The following ZNF738 variants were observed in gnomAD, a reference collection of about 807,000 sequenced individuals.
ZNF738 encodes protein ZNF738.
In ZNF738, 10 loss-of-function variants were observed where a neutral mutation model predicts 9.2. That is an observed-to-expected ratio of 1.09 (90% CI 0.67 to 1.85). ZNF738 has a LOEUF of 1.85. Among genes scored for constraint, ZNF738 ranks in the 40% most tolerant of loss-of-function variants. The pLI, the probability that ZNF738 is intolerant of heterozygous loss-of-function variation, is 0.00. For missense variants in ZNF738, 346 were observed against 283.6 expected, an observed-to-expected ratio of 1.22 and a Z score of -1.58; for synonymous variants, 113 against 94.5, an observed-to-expected ratio of 1.20 and a Z score of -1.14.
In ZNF738 at chr19:21,385,926, C is replaced by A. The variant is rs1402420850; in HGVS notation, c.*2252C>A. Among the ~76,000 whole-genome samples, 1 of 151,668 alleles carries A rather than the reference C, an allele frequency of 6.6e-6. No homozygotes were observed. Among genetic ancestry groups the A allele is most frequent in the East Asian group, 2.0e-4 (1 of 5,124 alleles). ...AACAGAATTCATAGCAGAGAGAAATCCTACAAATATGAAGAATGTCACAAA... is the reference window on the plus strand; with the variant it reads ...AACAGAATTCATAGCAGAGAGAAATACTACAAATATGAAGAATGTCACAAA... On this transcript the variant is annotated 3_prime_UTR_variant, in exon 5 of 5. Transcript: ENST00000683779.
chr19:21,384,109 A>G lies in ZNF738; in HGVS notation c.*435A>G. ...TGTGAAGAATGTGGCAAAGCTTTCT[A>G]CCGATTATCTTATCTTACTACACAT... On this transcript the variant is annotated 3_prime_UTR_variant, in exon 5 of 5. Transcript: ENST00000683779. 1.3e-6 allele frequency: 2 copies of G among 1,527,718 alleles called. No homozygotes were observed. Among genetic ancestry groups the G allele is most frequent in the Non-Finnish European group, 1.8e-6 (2 of 1,106,984 alleles). 94.6% of individuals were successfully genotyped at this position (1,527,718 alleles called of 1,614,324 possible).
In ZNF738 at chr19:21,383,714, CAT is replaced by C; in HGVS notation, c.*42_*43del. ...TAATGTATTCGCAACCCTTACTAGA[CAT>C]AAGATAATTCATACTGAAGAGAAAC... On this transcript the variant is annotated 3_prime_UTR_variant, in exon 5 of 5. Coordinates refer to ENST00000683779, the MANE Select transcript of ZNF738 (RefSeq NM_001355237.2). The C allele has an allele frequency of 9.7e-7, 1 of 1,035,806 alleles. No individual in the cohort carries two copies. The highest frequency in any genetic ancestry group is 1.5e-6 in the Non-Finnish European group (1 of 666,402). The allele number at this position is 1,035,806 out of a possible 1,614,324, so 64.2% of individuals were successfully genotyped here.
In ZNF738 at chr19:21,359,022, C is replaced by T. The variant is rs956333088; in HGVS notation, c.-119C>T. On this transcript the variant is annotated 5_prime_UTR_variant, in exon 1 of 5. Coordinates refer to ENST00000683779, the MANE Select transcript of ZNF738 (RefSeq NM_001355237.2). ...TTTGTCTTTGGCTGCCGCTGGAACT[C>T]CGGGTCTCGTCTTCACTGCTCTGTG... The T allele has an allele frequency of 3.9e-6, 3 of 778,774 alleles. No homozygotes were observed. The highest frequency in any genetic ancestry group is 3.5e-5 in the Admixed American group (2 of 57,682). 48.2% of individuals were successfully genotyped at this position (778,774 alleles called of 1,614,324 possible).
Position 21,383,275 on chromosome 19 carries a change from GTTCTCAA to G in ZNF738, c.730_736del (p.Phe244ProfsTer35), listed in dbSNP as rs1474317563. ...AAGAATGTGGCAAAGCCTTTAAATG[GTTCTCAA>G]CCCTTACTAGACACAAGAGAATTCA... On this transcript the variant is annotated frameshift_variant, in exon 5 of 5. Coordinates refer to ENST00000683779, the MANE Select transcript of ZNF738 (RefSeq NM_001355237.2). LOFTEE classifies it low-confidence loss of function (END_TRUNC). The G allele has an allele frequency of 6.4e-7, 1 of 1,564,848 alleles. No individual in the cohort carries two copies. Among genetic ancestry groups the G allele is most frequent in the Admixed American group, 1.7e-5 (1 of 58,456 alleles).
At chr19:21,377,913 T>C (rs547233253) in intron 4 of ZNF738, 1 of 387,284 alleles carries the variant, frequency 2.6e-6, no homozygotes, top group East Asian at 3.6e-5. Context: ...TCTTGCATCT[T>C]TGTCCCACAT....
At chr19:21,379,374 T>C (rs1973979322) in intron 4 of ZNF738, 1 of 152,226 alleles carries the variant, frequency 6.6e-6, no homozygotes, top group Non-Finnish European at 1.5e-5. Context: ...TTGTCTGGGT[T>C]AGAGATTCTG....
At chr19:21,377,896 A>G (rs1237512307) in intron 4 of ZNF738, 8 of 383,986 alleles carry the variant, frequency 2.1e-5, no homozygotes, top group Admixed American at 4.5e-5. Flanking sequence ...TTGTTGTTCT[A>G]TTTGATTCTT....
chr19:21,375,749 A>G (rs1367958407), intron 3 of ZNF738, 120 bp from the exon 4 acceptor site: 57 of 501,758 alleles, frequency 1.1e-4, no homozygotes, highest in Non-Finnish European at 2.2e-5. Flanking sequence ...CTGTCATTAA[A>G]TAGTATTTTG....
intron 2 of ZNF738, among the ~76,000 whole-genome samples, chr19:21,370,137 T>C (rs1323191990): frequency 6.6e-6 from 1 of 152,210 alleles, no homozygotes. Flanking sequence ...TAAACATCTA[T>C]TGAAATGACT....
intron 2 of ZNF738, among the ~76,000 whole-genome samples, chr19:21,366,943 C>A (rs1568367234): frequency 6.6e-6 from 1 of 152,148 alleles, no homozygotes; most frequent in Non-Finnish European, 1.5e-5. Context: ...CCTATCTCAT[C>A]TTGTGACTTA....
Position 21,383,283 on chromosome 19 carries a change from C to T in ZNF738, c.737C>T (p.Thr246Ile), listed in dbSNP as rs1259709588. The change falls in exon 5 of 5, where the codon ACC becomes ATC. Residue 246 changes from threonine (T) to isoleucine (I), a missense_variant. Thr to Ile is a moderately conservative substitution (Grantham distance 89, BLOSUM62 -1). Transcript: ENST00000683779. ...GGCAAAGCCTTTAAATGGTTCTCAA[C>T]CCTTACTAGACACAAGAGAATTCAT... Reference protein sequence around the residue: ...ECGKAFKWFSTLTRHKRIHTG... With the variant: ...ECGKAFKWFSILTRHKRIHTG... 5.1e-6 allele frequency: 8 copies of T among 1,558,518 alleles called. No homozygotes were observed. The highest frequency in any genetic ancestry group is 1.8e-6 in the Non-Finnish European group (2 of 1,137,646).
intron 1 of ZNF738, 57 bp from the exon 2 acceptor site, chr19:21,361,709 G>A (rs1973696061): frequency 1.3e-6 from 1 of 772,136 alleles, no homozygotes; most frequent in Non-Finnish European, 2.4e-6. Context: ...ATCTGCCATG[G>A]TTATGTCAGC....
chr19:21,383,371 T>TA lies in ZNF738; in HGVS notation c.826dup (p.Thr276AsnfsTer2), dbSNP rs1420371561. On this transcript the variant is annotated frameshift_variant, in exon 5 of 5. Coordinates refer to ENST00000683779, the MANE Select transcript of ZNF738 (RefSeq NM_001355237.2). LOFTEE classifies it low-confidence loss of function (END_TRUNC). The stretch of plus-strand genomic sequence containing the variant: ...AAGGTTTTAACCACTCCACAACTCT[T>TA]ACTAGACATAAGGTAATTCATGCTG... 3.9e-6 allele frequency: 4 copies of TA among 1,021,342 alleles called. No individual in the cohort carries two copies. The African/African-American group carries it at 6.4e-5, about 16-fold the overall frequency. 63.3% of individuals were successfully genotyped at this position (1,021,342 alleles called of 1,614,324 possible). A position where few individuals can be genotyped will look rare whatever the true frequency, so the allele number is the denominator to read the frequency against.
Position 21,375,236 on chromosome 19 carries a change from A to G in ZNF738, c.97-2A>G. ...ATATGTGTGTGTGTGTGTGTTTTTCAGGGGCCGTTGACATTTAGGGATGTG... is the reference window on the plus strand; with the variant it reads ...ATATGTGTGTGTGTGTGTGTTTTTCGGGGGCCGTTGACATTTAGGGATGTG... On this transcript the variant is annotated splice_acceptor_variant, in intron 2 of 4. Transcript: ENST00000683779. LOFTEE classifies it high-confidence loss of function. The G allele has an allele frequency of 9.6e-7, 1 of 1,039,690 alleles. No homozygotes were observed. The highest frequency in any genetic ancestry group is 1.5e-6 in the Non-Finnish European group (1 of 676,096). 64.4% of individuals were successfully genotyped at this position (1,039,690 alleles called of 1,614,324 possible). A position where few individuals can be genotyped will look rare whatever the true frequency, so the allele number is the denominator to read the frequency against.
chr19:21,364,074 G>A (rs1344193684), intron 2 of ZNF738, among the ~76,000 whole-genome samples: 1 of 150,516 alleles, frequency 6.6e-6, no homozygotes, highest in Non-Finnish European at 1.5e-5. Flanking sequence ...ATGTGCACCT[G>A]TAGCCCCAGT....
chr19:21,375,464 C>G, intron 3 of ZNF738, 100 bp downstream of exon 3: 1 of 549,886 alleles, frequency 1.8e-6, no homozygotes, highest in South Asian at 2.8e-5. Flanking sequence ...TGCATAAATG[C>G]GTTTCTGATC....
In ZNF738 at chr19:21,387,014, C is replaced by G. The variant is rs1599722491; in HGVS notation, c.*3340C>G. 6.6e-6 allele frequency: 1 copy of G among 151,308 alleles called. No individual in the cohort carries two copies. Among genetic ancestry groups the G allele is most frequent in the African/African-American group, 2.4e-5 (1 of 41,084 alleles). 9.4% of individuals were successfully genotyped at this position (151,308 alleles called of 1,614,324 possible). A position where few individuals can be genotyped will look rare whatever the true frequency, so the allele number is the denominator to read the frequency against. ...GCCACCACGCTCAGCCACTAGTCCT[C>G]AGATCTTAACACACATAAGATAATT... On this transcript the variant is annotated 3_prime_UTR_variant, in exon 5 of 5. Coordinates refer to ENST00000683779, the MANE Select transcript of ZNF738 (RefSeq NM_001355237.2).
In ZNF738 at chr19:21,383,525, C is replaced by G. The variant is rs935412159; in HGVS notation, c.979C>G (p.Gln327Glu). 3.4e-5 allele frequency: 31 copies of G among 900,052 alleles called. No homozygotes were observed. Among genetic ancestry groups the G allele is most frequent in the Non-Finnish European group, 5.6e-5 (31 of 554,378 alleles). 55.8% of individuals were successfully genotyped at this position (900,052 alleles called of 1,614,324 possible). Residue 327 changes from glutamine to glutamate, a missense_variant, in exon 5 of 5, where the codon CAA (glutamine) becomes GAA (glutamate). By Grantham distance (29) the Gln-to-Glu change is conservative (BLOSUM62 2). Transcript: ENST00000683779. ...KCEGCGKAFCQFSYLTKHKII... is the reference protein window; with the variant it reads ...KCEGCGKAFCEFSYLTKHKII... ...TGAAGGATGTGGCAAAGCTTTCTGC[C>G]AATTCTCATACCTTACTAAACATAA... is the stretch of plus-strand genomic sequence containing the variant.
chr19:21,376,010 A>G (rs1973923242), intron 4 of ZNF738, 46 bp downstream of exon 4: 1 of 691,318 alleles, frequency 1.4e-6, no homozygotes, highest in Non-Finnish European at 2.6e-6. Flanking sequence ...AAAGGTTGGA[A>G]GATTACAAAA....
Sources: gnomAD v4.1 joint callset for allele counts (sites outside exome capture counted in the v4.1 genomes callset) on GRCh38, gnomAD v4.1.1 for gene constraint, MANE v1.5 for transcripts, NCBI Gene and HGNC (gene_info 2026-07-23, HGNC 2026-07-21) for gene names.